ABCC8: variants seen among roughly 807,000 people sequenced by gnomAD.
The protein encoded by ABCC8 is ATP binding cassette subfamily C member 8, also known as ATP-binding cassette sub-family C member 8.
A neutral mutation model predicts 188.0 loss-of-function variants in ABCC8; 137 were observed. The observed-to-expected ratio is 0.73, with a 90% CI of 0.63 to 0.84. The LOEUF is 0.84. Ranked by LOEUF, ABCC8 falls within the 40% of genes least tolerant of loss-of-function variation. The probability of loss-of-function intolerance (pLI) is 0.00; values close to 1 mark genes in which losing one functional copy is unlikely to be tolerated. For synonymous variants in ABCC8, 797 were observed against 846.5 expected (o/e 0.94, Z 1.01); for missense variants, 1,750 against 2,072.7 (o/e 0.84, Z 3.02).
In ABCC8 at chr11:17,460,475, T is replaced by C. The variant is rs1466648964; in HGVS notation, c.1011+13A>G. ...TCTAGAGGGTGCCTTACCCTACCCC[T>C]GGGGCTGCCTACCTTGGGCTGGAAG... On this transcript the variant is annotated intron_variant, in intron 6 of 38. Coordinates refer to ENST00000389817, the MANE Select transcript of ABCC8 (RefSeq NM_000352.6). The C allele has an allele frequency of 6.2e-7, 1 of 1,614,098 alleles. No individual in the cohort carries two copies. Among genetic ancestry groups the C allele is most frequent in the Non-Finnish European group, 8.5e-7 (1 of 1,180,038 alleles).
intron 16 of ABCC8, 62 bp from the exon 17 acceptor site, chr11:17,417,024 C>G (rs1187261039): frequency 1.2e-6 from 2 of 1,610,602 alleles, no homozygotes; most frequent in Non-Finnish European, 1.7e-6. Flanking sequence ...GCCTTTCCAT[C>G]ACGCTGAGTC....
intron 16 of ABCC8, among the ~76,000 whole-genome samples, chr11:17,423,356 CAAAAAAAA>C (rs58524307): frequency 3.2e-5 from 2 of 63,342 alleles, no homozygotes; most frequent in South Asian, 8.8e-4. Context: ...GACTCCGTCT[CAAAAAAAA>C]AAAAAAAAAA....
Position 17,435,542 on chromosome 11 carries a change from G to C in ABCC8, c.1631-3298C>G, listed in dbSNP as rs1309048925. 7 of 1,203,086 alleles carry C rather than the reference G, an allele frequency of 5.8e-6. No individual in the cohort carries two copies. In the African/African-American group the frequency reaches 6.0e-5, roughly 10 times the overall value. The allele number at this position is 1,203,086 out of a possible 1,614,324, so 74.5% of individuals were successfully genotyped here. On this transcript the variant is annotated intron_variant, in intron 10 of 38. Coordinates refer to ENST00000389817, the MANE Select transcript of ABCC8 (RefSeq NM_000352.6). ...CTACAAGGTACTCTACTGCTCCAAG[G>C]GGATCTAAAAGCACAAAAGGATTTA...
intron 1 of ABCC8, 55 bp downstream of exon 1, chr11:17,476,574 C>T (rs1477092107): frequency 1.3e-6 from 2 of 1,586,372 alleles, no homozygotes; most frequent in Admixed American, 1.7e-5. Context: ...GCAGCGCCTC[C>T]TCCTCCCTCC....
intron 23 of ABCC8, 41 bp from the exon 24 acceptor site, chr11:17,407,494 A>G: frequency 6.2e-7 from 1 of 1,613,844 alleles, no homozygotes; most frequent in African/African-American, 1.3e-5. Context: ...TTCAGGATAT[A>G]TGGTTGGTGG....
chr11:17,466,696 C>T (rs1848172737), intron 3 of ABCC8, among the ~76,000 whole-genome samples: 2 of 152,086 alleles, frequency 1.3e-5, no homozygotes, highest in South Asian at 4.2e-4. Flanking sequence ...GGCTGGAGTG[C>T]AGTGGCACAA....
At chr11:17,418,940 C>T (rs1292046674) in intron 16 of ABCC8, among the ~76,000 whole-genome samples, 2 of 152,180 alleles carry the variant, frequency 1.3e-5, no homozygotes, top group Non-Finnish European at 2.9e-5. Context: ...TCACTGTGCA[C>T]TGTGAGAAGT....
In ABCC8 at chr11:17,407,362, T is replaced by A. The variant is rs1431503235; in HGVS notation, c.2912A>T (p.Glu971Val). The part of the protein sequence containing the change: ...SRDGLLQDEE[E>V]EEEEAAESEE... ...AGTCCCATTGCCTGTACCTTCCTCC[T>A]CTTCCTCATCCTGCAGAAGGCCATC... is the stretch of plus-strand genomic sequence containing the variant. Residue 971 changes from glutamate (E) to valine (V), a missense_variant, in exon 24 of 39, where the codon GAG (glutamate) becomes GTG (valine). Coordinates refer to ENST00000389817, the MANE Select transcript of ABCC8 (RefSeq NM_000352.6). 1 of 1,614,146 alleles carries A rather than the reference T, an allele frequency of 6.2e-7. No homozygotes were observed. Among genetic ancestry groups the A allele is most frequent in the East Asian group, 2.2e-5 (1 of 44,874 alleles).
chr11:17,405,783 T>G (rs1434339623), intron 26 of ABCC8, among the ~76,000 whole-genome samples: 1 of 152,212 alleles, frequency 6.6e-6, no homozygotes, highest in African/African-American at 2.4e-5. Context: ...CTCAAGCCCA[T>G]CTGACGACTG....
At chr11:17,394,015 AGTCTGTGTGG>A (rs1042745296) in intron 37 of ABCC8, among the ~76,000 whole-genome samples, 8 of 152,032 alleles carry the variant, frequency 5.3e-5, no homozygotes, top group East Asian at 1.9e-4. Context: ...GACAGTGTGA[AGTCTGTGTGG>A]GTCTGTGTGT....
At chr11:17,453,362 G>A (rs937169640) in intron 6 of ABCC8, 79 bp from the exon 7 acceptor site, 1 of 1,577,156 alleles carries the variant, frequency 6.3e-7, no homozygotes. Context: ...GTGCCATAAT[G>A]GACCACGGCC....
intron 3 of ABCC8, among the ~76,000 whole-genome samples, chr11:17,468,610 TA>T (rs1278159960): frequency 3.9e-5 from 6 of 152,110 alleles, no homozygotes; most frequent in Non-Finnish European, 7.4e-5. Context: ...AAAGGGAAAA[TA>T]ATAATGGTAC....
chr11:17,407,765 G>T (rs1380633797), intron 23 of ABCC8, among the ~76,000 whole-genome samples: 1 of 152,174 alleles, frequency 6.6e-6, no homozygotes, highest in Non-Finnish European at 1.5e-5. Flanking sequence ...CACACCGCTG[G>T]CCACAGTGAT....
At chr11:17,396,030 G>C in intron 33 of ABCC8, 100 bp from the exon 34 acceptor site, 1 of 1,536,240 alleles carries the variant, frequency 6.5e-7, no homozygotes, top group Non-Finnish European at 8.8e-7. Context: ...GGAGGTCACA[G>C]GGTATCTTTT....
intron 6 of ABCC8, among the ~76,000 whole-genome samples, chr11:17,454,413 C>T (rs1466784327): frequency 6.6e-6 from 1 of 152,170 alleles, no homozygotes; most frequent in African/African-American, 2.4e-5. Context: ...CTGTTGGTGG[C>T]AGCAGGAAGC....
chr11:17,450,320 T>TCTCTCTC (rs1564959472), intron 7 of ABCC8, among the ~76,000 whole-genome samples: 1 of 105,950 alleles, frequency 9.4e-6, no homozygotes, highest in African/African-American at 4.3e-5. Flanking sequence ...CTTTCTTTCT[T>TCTCTCTC]TCTTTCTCTC....
chr11:17,435,635 T>C, intron 10 of ABCC8: 3 of 1,398,812 alleles, frequency 2.1e-6, no homozygotes, highest in Non-Finnish European at 3.0e-6. Context: ...GTGAATGTAA[T>C]AATGTGTAGG....
At chr11:17,468,045 G>A (rs543911507) in intron 3 of ABCC8, among the ~76,000 whole-genome samples, 43 of 152,340 alleles carry the variant, frequency 2.8e-4, no homozygotes, top group African/African-American at 9.6e-4. Flanking sequence ...CAGACAAGGA[G>A]CTACTTCAGA....
rs754289784 is a variant in ABCC8 at position 17,406,916 on chromosome 11, G to A, written c.3134C>T (p.Pro1045Leu). 14 of 1,614,146 alleles carry A rather than the reference G, an allele frequency of 8.7e-6. No individual in the cohort carries two copies. The highest frequency in any genetic ancestry group is 1.1e-5 in the Non-Finnish European group (13 of 1,180,036). ...KWTDSALTLT[P>L]AARNCSLSQE... ...GCTGAGGGAGCAGTTCCTGGCTGCA[G>A]GGGTCAGGGTCAGGGCGCTGTCGGT... The change falls in exon 25 of 39, where the codon CCT (proline) becomes CTT (leucine). Residue 1045 changes from proline (P) to leucine (L), a missense_variant. Coordinates refer to ENST00000389817, the MANE Select transcript of ABCC8 (RefSeq NM_000352.6).
Sources: gnomAD v4.1 joint callset for allele counts (sites outside exome capture counted in the v4.1 genomes callset) on GRCh38, gnomAD v4.1.1 for gene constraint, MANE v1.5 for transcripts, NCBI Gene and HGNC (gene_info 2026-07-23, HGNC 2026-07-21) for gene names.